The following OR4M1 variants were observed in gnomAD, a reference collection of about 807,000 sequenced individuals.
The protein encoded by OR4M1 is olfactory receptor 4M1.
In OR4M1, 7 loss-of-function variants were observed where a neutral mutation model predicts 9.8. The ratio of observed to expected loss-of-function variants is 0.71; its 90% CI spans 0.41 to 1.34. The LOEUF (loss-of-function observed/expected upper bound fraction) is 1.34, where lower values mean the gene tolerates loss of function less well. OR4M1 is among the 40% of genes most tolerant of loss of function. The probability of loss-of-function intolerance (pLI) is 0.01; values close to 1 mark genes in which losing one functional copy is unlikely to be tolerated. For synonymous variants in OR4M1, 121 were observed against 139.8 expected, an observed-to-expected ratio of 0.87 and a Z score of 0.95; for missense variants, 331 against 380.4, an observed-to-expected ratio of 0.87 and a Z score of 1.08.
chr14:19,781,343 TTC>T lies in OR4M1; in HGVS notation c.*80_*81del. 1 of 1,204,578 alleles carries T rather than the reference TTC, an allele frequency of 8.3e-7. No individual in the cohort carries two copies. The highest frequency in any genetic ancestry group is 1.2e-6 in the Non-Finnish European group (1 of 864,000). The allele number at this position is 1,204,578 out of a possible 1,614,324, so 74.6% of individuals were successfully genotyped here. On this transcript the variant is annotated 3_prime_UTR_variant, in exon 2 of 2. Transcript: ENST00000641200. ...AAGTATTTGCAGTAATAATGCTGCATTCACTTCCTCCGTTCATTTGTGTTCTT... is the reference window on the plus strand; with the variant it reads ...AAGTATTTGCAGTAATAATGCTGCATACTTCCTCCGTTCATTTGTGTTCTT...
At chr14:19,777,184 G>T (rs1390093583) in intron 1 of OR4M1, among the ~76,000 whole-genome samples, 1 of 151,320 alleles carries the variant, frequency 6.6e-6, no homozygotes, top group Admixed American at 6.6e-5. Context: ...AAGAAAATTG[G>T]AAATCCAATT....
intron 1 of OR4M1, among the ~76,000 whole-genome samples, chr14:19,779,014 T>A (rs1485951278): frequency 6.6e-6 from 1 of 152,242 alleles, no homozygotes; most frequent in Non-Finnish European, 1.5e-5. Flanking sequence ...TGGAAAACAC[T>A]GTTTTTGTGC....
At position 19,781,969 on chromosome 14, in the gene OR4M1, C is replaced by A. The variant is rs1878513289; in HGVS notation, c.*705C>A. The stretch of plus-strand genomic sequence containing the variant: ...TGTCATTCCAGATGAAGCCTCCAGG[C>A]AACTAGCAATTTTTATAGCCAGTCC... On this transcript the variant is annotated 3_prime_UTR_variant, in exon 2 of 2. Transcript: ENST00000641200. 6.6e-6 allele frequency: 1 copy of A among 152,354 alleles called. No homozygotes were observed. The highest frequency in any genetic ancestry group is 1.5e-5 in the Non-Finnish European group (1 of 68,146). 9.4% of individuals were successfully genotyped at this position (152,354 alleles called of 1,614,324 possible). A position where few individuals can be genotyped will look rare whatever the true frequency, so the allele number is the denominator to read the frequency against.
intron 1 of OR4M1, among the ~76,000 whole-genome samples, chr14:19,777,378 A>G (rs974224011): frequency 7.9e-5 from 12 of 152,024 alleles, no homozygotes; most frequent in African/African-American, 2.9e-4. Flanking sequence ...AATGTCACCA[A>G]CTCAGAACCT....
In OR4M1 at chr14:19,780,803, G is replaced by C. The variant is rs1377890237; in HGVS notation, c.481G>C (p.Ala161Pro). 6.2e-7 allele frequency: 1 copy of C among 1,614,098 alleles called. No individual in the cohort carries two copies. Among genetic ancestry groups the C allele is most frequent in the African/African-American group, 1.3e-5 (1 of 74,926 alleles). ...GGFIHSIIQV[A>P]LIVRLPFCGP... ...CTTCATTCATTCTATAATACAGGTG[G>C]CTCTCATTGTTCGACTTCCTTTCTG... Residue 161 changes from alanine (A) to proline (P), a missense_variant, in exon 2 of 2, where the codon GCT becomes CCT. By Grantham distance (27) the Ala-to-Pro change is conservative. Coordinates refer to ENST00000641200, the MANE Select transcript of OR4M1 (RefSeq NM_001005500.2).
At chr14:19,779,325 ACT>A (rs1158886841) in intron 1 of OR4M1, among the ~76,000 whole-genome samples, 1 of 152,144 alleles carries the variant, frequency 6.6e-6, no homozygotes, top group Non-Finnish European at 1.5e-5. Flanking sequence ...AAAAGAAACA[ACT>A]CTCTTGTATT....
intron 1 of OR4M1, among the ~76,000 whole-genome samples, chr14:19,778,081 G>A (rs1878363983): frequency 6.6e-6 from 1 of 152,198 alleles, no homozygotes; most frequent in African/African-American, 2.4e-5. Flanking sequence ...TTGTCCTAAG[G>A]AATAAATGTG....
At chr14:19,778,071 T>C (rs1878363583) in intron 1 of OR4M1, among the ~76,000 whole-genome samples, 1 of 152,236 alleles carries the variant, frequency 6.6e-6, no homozygotes, top group South Asian at 2.1e-4. Context: ...CTTTGTATTT[T>C]TGTCCTAAGG....
At chr14:19,776,795 G>A (rs1002059769) in intron 1 of OR4M1, among the ~76,000 whole-genome samples, 8 of 151,986 alleles carry the variant, frequency 5.3e-5, no homozygotes, top group African/African-American at 1.4e-4. Flanking sequence ...TATTAAGGTC[G>A]TGGTATGTGC....
intron 1 of OR4M1, among the ~76,000 whole-genome samples, chr14:19,778,612 T>G (rs1238439589): frequency 1.3e-5 from 2 of 152,226 alleles, no homozygotes; most frequent in Non-Finnish European, 1.5e-5. Flanking sequence ...TGGAACCTCA[T>G]AGTTGACTTA....
At chr14:19,779,130 A>G (rs1285195074) in intron 1 of OR4M1, among the ~76,000 whole-genome samples, 1 of 152,236 alleles carries the variant, frequency 6.6e-6, no homozygotes, top group Non-Finnish European at 1.5e-5. Context: ...GTATAAATTG[A>G]GTCAGTAGGT....
rs771611990 is a variant in OR4M1 at position 19,775,797 on chromosome 14, AAATAT to A, written c.-30+2214_-30+2218del. ...TAATAACATATTAAAGTATATTATTAAATATAATATAATAATAATAATAAAGTATA... is the reference window on the plus strand; with the variant it reads ...TAATAACATATTAAAGTATATTATTAAATATAATAATAATAATAAAGTATA... On this transcript the variant is annotated intron_variant, in intron 1 of 1. Coordinates refer to ENST00000641200, the MANE Select transcript of OR4M1 (RefSeq NM_001005500.2). 3.1e-3 allele frequency among the ~76,000 whole-genome samples: 463 copies of A among 147,944 alleles called. 2 individuals are homozygous for A. Among genetic ancestry groups the A allele is most frequent in the Non-Finnish European group, 5.2e-3 (350 of 67,128 alleles).
Position 19,782,464 on chromosome 14 carries a change from T to C in OR4M1, c.*1200T>C, listed in dbSNP as rs1356163119. On this transcript the variant is annotated 3_prime_UTR_variant, in exon 2 of 2. Coordinates refer to ENST00000641200, the MANE Select transcript of OR4M1 (RefSeq NM_001005500.2). ...GTCTTCTTTTTTAAATTTGATAATG[T>C]AATATGGACTAAATTTTAAGTGAAT... 6.6e-6 allele frequency: 1 copy of C among 152,258 alleles called. No homozygotes were observed. The highest frequency in any genetic ancestry group is 1.5e-5 in the Non-Finnish European group (1 of 68,046). 9.4% of individuals were successfully genotyped at this position (152,258 alleles called of 1,614,324 possible). A position where few individuals can be genotyped will look rare whatever the true frequency, so the allele number is the denominator to read the frequency against.
At chr14:19,779,935 T>C (rs2138431131) in intron 1 of OR4M1, among the ~76,000 whole-genome samples, 1 of 152,378 alleles carries the variant, frequency 6.6e-6, no homozygotes, top group Admixed American at 6.5e-5. Context: ...GCCACATCTC[T>C]GATTGCCAGT....
intron 1 of OR4M1, among the ~76,000 whole-genome samples, chr14:19,773,802 G>A (rs1291795522): frequency 7.9e-5 from 12 of 152,312 alleles, no homozygotes; most frequent in Admixed American, 3.3e-4. Context: ...GTTTCTTCTC[G>A]GCCTTGATCT....
chr14:19,779,399 G>C (rs1878399397), intron 1 of OR4M1, among the ~76,000 whole-genome samples: 1 of 152,184 alleles, frequency 6.6e-6, no homozygotes. Context: ...TTAAAGAAAA[G>C]CATATTTGGT....
chr14:19,775,693 ATTAG>A (rs1171909489), intron 1 of OR4M1, among the ~76,000 whole-genome samples: 2 of 144,022 alleles, frequency 1.4e-5, no homozygotes, highest in African/African-American at 5.0e-5. Context: ...TTAAATATAT[ATTAG>A]TTGTATATAA....
intron 1 of OR4M1, 24 bp downstream of exon 1, chr14:19,773,617 T>C (rs749597296): frequency 1.3e-5 from 2 of 152,258 alleles, no homozygotes; most frequent in African/African-American, 2.4e-5. Flanking sequence ...TGTTATAACC[T>C]TTACATAAAC....
At chr14:19,774,308 T>A (rs1345836146) in intron 1 of OR4M1, among the ~76,000 whole-genome samples, 1 of 152,130 alleles carries the variant, frequency 6.6e-6, no homozygotes, top group Non-Finnish European at 1.5e-5. Flanking sequence ...TTAGATGTTG[T>A]GGTGTTTAAT....
Sources: gnomAD v4.1 joint callset for allele counts (sites outside exome capture counted in the v4.1 genomes callset) on GRCh38, gnomAD v4.1.1 for gene constraint, MANE v1.5 for transcripts, NCBI Gene and HGNC (gene_info 2026-07-23, HGNC 2026-07-21) for gene names.